Variants in MAP2K5 observed in about 807,000 individuals in gnomAD.
MAP2K5 encodes the protein dual specificity mitogen-activated protein kinase kinase 5.
A neutral mutation model predicts 83.1 loss-of-function variants in MAP2K5; 49 were observed. That is an observed-to-expected ratio of 0.59 (90% CI 0.47 to 0.75). MAP2K5 has a LOEUF of 0.75. Among genes scored for constraint, MAP2K5 ranks in the 30% least tolerant of loss-of-function variants. MAP2K5 has a pLI of 0.00. For synonymous variants in MAP2K5, 202 were observed against 191.8 expected, an observed-to-expected ratio of 1.05 and a Z score of -0.44; for missense variants, 457 against 557.5, an observed-to-expected ratio of 0.82 and a Z score of 1.82.
intron 1 of MAP2K5, 53 bp from the exon 2 acceptor site, chr15:67,549,981 G>A: frequency 7.4e-7 from 1 of 1,350,476 alleles, no homozygotes; most frequent in African/African-American, 1.4e-5. Flanking sequence ...TTTGCCACAT[G>A]TTAGCAATAA....
At chr15:67,756,636 G>T (rs8042507) in intron 19 of MAP2K5, among the ~76,000 whole-genome samples, 111,953 of 149,206 alleles carry the variant, frequency 0.75, 42,375 homozygotes, top group Middle Eastern at 0.82. Context: ...TACTCACCAT[G>T]CTATATTTAT....
intron 17 of MAP2K5, among the ~76,000 whole-genome samples, chr15:67,734,224 G>A (rs1029840251): frequency 6.6e-6 from 1 of 152,134 alleles, no homozygotes; most frequent in Non-Finnish European, 1.5e-5. Context: ...TCTGATCCTT[G>A]TATTAACATG....
Position 67,698,047 on chromosome 15 carries a change from A to G in MAP2K5, c.972+4479A>G, listed in dbSNP as rs2088311082. On this transcript the variant is annotated intron_variant, in intron 15 of 21. Transcript: ENST00000178640. The surrounding 1 kb of genome is among the most constrained non-coding windows in gnomAD (Gnocchi z 4.5). ...CAAGGAAATACTGTTTTTTAGGGGC[A>G]GATAATTAATAGGTTCAATAGATAC... is the stretch of plus-strand genomic sequence containing the variant. 6.6e-6 allele frequency among the ~76,000 whole-genome samples: 1 copy of G among 152,198 alleles called. No homozygotes were observed. The highest frequency in any genetic ancestry group is 1.5e-5 in the Non-Finnish European group (1 of 68,032).
chr15:67,596,355 G>C (rs556279138), intron 7 of MAP2K5, among the ~76,000 whole-genome samples: 1 of 151,990 alleles, frequency 6.6e-6, no homozygotes, highest in Non-Finnish European at 1.5e-5. Flanking sequence ...CAGAGGTTGC[G>C]GTGAGCCAAG....
At chr15:67,595,786 G>T (rs181074543) in intron 7 of MAP2K5, among the ~76,000 whole-genome samples, 1 of 152,220 alleles carries the variant, frequency 6.6e-6, no homozygotes, top group Non-Finnish European at 1.5e-5. Context: ...CTATAAATCA[G>T]TCTCACTGAT....
chr15:67,741,867 C>G (rs890837578), intron 17 of MAP2K5, among the ~76,000 whole-genome samples: 2 of 151,962 alleles, frequency 1.3e-5, no homozygotes, highest in African/African-American at 4.8e-5. Context: ...TACAGAAAGA[C>G]ATACTTCTTG....
At position 67,665,975 on chromosome 15, in the gene MAP2K5, G is replaced by GT. The variant is rs1384954912; in HGVS notation, c.847+1331dup. Among the ~76,000 whole-genome samples the GT allele has an allele frequency of 5.3e-5, 8 of 152,258 alleles. No homozygotes were observed. In the South Asian group the frequency reaches 1.4e-3, roughly 28 times the overall value. ...CGCACACCCAGCTACCGGTAAAGTG[G>GT]TGATAGCCATTTTAATAAGAATTAA... On this transcript the variant is annotated intron_variant, in intron 13 of 21. Coordinates refer to ENST00000178640, the MANE Select transcript of MAP2K5 (RefSeq NM_145160.3). The surrounding 1 kb of genome is among the most constrained non-coding windows in gnomAD (Gnocchi z 4.2).
intron 11 of MAP2K5, among the ~76,000 whole-genome samples, chr15:67,649,525 G>A (rs1359323982): frequency 6.6e-6 from 1 of 151,944 alleles, no homozygotes; most frequent in Non-Finnish European, 1.5e-5. Context: ...TGAGATAGGG[G>A]TCCAAATTTA....
intron 21 of MAP2K5, among the ~76,000 whole-genome samples, chr15:67,797,114 G>C (rs1032292599): frequency 2.0e-5 from 3 of 152,180 alleles, no homozygotes; most frequent in Non-Finnish European, 4.4e-5. Flanking sequence ...AGTCCTTACC[G>C]CAGCCCCTTT....
At position 67,768,271 on chromosome 15, in the gene MAP2K5, A is replaced by G. The variant is rs900251067; in HGVS notation, c.1135-1331A>G. On this transcript the variant is annotated intron_variant, in intron 19 of 21. Transcript: ENST00000178640. This position sits in a 1 kb window ranked among gnomAD's most constrained non-coding sequence, Gnocchi z 4.0. ...TTATATGTATATTTACTAATCACAT[A>G]GGAGGCTGTGCAATTGTATCTATCT... is the stretch of plus-strand genomic sequence containing the variant. 3.3e-5 allele frequency among the ~76,000 whole-genome samples: 5 copies of G among 152,228 alleles called. No individual in the cohort carries two copies. Among genetic ancestry groups the G allele is most frequent in the Non-Finnish European group, 5.9e-5 (4 of 68,028 alleles).
chr15:67,740,273 T>A (rs1462049075), intron 17 of MAP2K5, among the ~76,000 whole-genome samples: 1 of 152,206 alleles, frequency 6.6e-6, no homozygotes, highest in Non-Finnish European at 1.5e-5. Flanking sequence ...AGTAATTATG[T>A]AGCCCAAGTT....
intron 8 of MAP2K5, among the ~76,000 whole-genome samples, chr15:67,617,496 T>G (rs1325427127): frequency 6.6e-6 from 1 of 152,198 alleles, no homozygotes; most frequent in Non-Finnish European, 1.5e-5. Context: ...ATGATTCATA[T>G]TTTTTGGTTC....
intron 1 of MAP2K5, among the ~76,000 whole-genome samples, chr15:67,548,050 G>C (rs901182508): frequency 1.1e-4 from 17 of 152,160 alleles, no homozygotes; most frequent in African/African-American, 3.9e-4. Context: ...TATCAGGTGA[G>C]GAGCATGTGC....
intron 8 of MAP2K5, among the ~76,000 whole-genome samples, chr15:67,630,217 G>A (rs2086437755): frequency 6.6e-6 from 1 of 152,198 alleles, no homozygotes. Flanking sequence ...CTAGGTGTCA[G>A]AGAGAGCCCC....
chr15:67,575,013 C>A (rs909258838), intron 3 of MAP2K5, among the ~76,000 whole-genome samples: 6 of 152,084 alleles, frequency 3.9e-5, no homozygotes, highest in African/African-American at 1.4e-4. Context: ...AGACCATAAA[C>A]CCAGGCAGCA....
At position 67,668,835 on chromosome 15, in the gene MAP2K5, A is replaced by G. The variant is rs1205273713; in HGVS notation, c.847+4190A>G. Among the ~76,000 whole-genome samples the G allele has an allele frequency of 1.3e-5, 2 of 152,042 alleles. No individual in the cohort carries two copies. Among genetic ancestry groups the G allele is most frequent in the African/African-American group, 4.8e-5 (2 of 41,438 alleles). On this transcript the variant is annotated intron_variant, in intron 13 of 21. Coordinates refer to ENST00000178640, the MANE Select transcript of MAP2K5 (RefSeq NM_145160.3). This position sits in a 1 kb window ranked among gnomAD's most constrained non-coding sequence, Gnocchi z 4.0. The stretch of plus-strand genomic sequence containing the variant: ...AGTTTATAGAAGAAAAAAAAAACCT[A>G]TATAGTTGGTGTGCCAGGAGTTTTT...
intron 17 of MAP2K5, among the ~76,000 whole-genome samples, chr15:67,739,309 C>A: frequency 6.8e-6 from 1 of 147,608 alleles, no homozygotes; most frequent in Non-Finnish European, 1.5e-5. Flanking sequence ...TAAAGTAAGT[C>A]AAACTTTATC....
In MAP2K5 at chr15:67,755,803, T is replaced by C. The variant is rs2141282701; in HGVS notation, c.1134+7202T>C. Among the ~76,000 whole-genome samples the C allele has an allele frequency of 6.6e-6, 1 of 152,324 alleles. No homozygotes were observed. Among genetic ancestry groups the C allele is most frequent in the South Asian group, 2.1e-4 (1 of 4,824 alleles). On this transcript the variant is annotated intron_variant, in intron 19 of 21. Transcript: ENST00000178640. This position sits in a 1 kb window ranked among gnomAD's most constrained non-coding sequence, Gnocchi z 4.7. ...TTTTATAAGTGGGATTTTGTAATGA[T>C]GAGCTGTTGAATTCAGGGCTTTTTG...
In MAP2K5 at chr15:67,553,351, C is replaced by T. The variant is rs190344651; in HGVS notation, c.184+3269C>T. On this transcript the variant is annotated intron_variant, in intron 2 of 21. Transcript: ENST00000178640. The stretch of plus-strand genomic sequence containing the variant: ...ATAAACCTCTACTACTCCAGGTTTA[C>T]GTTCTGTGATATCATGCTCTTTCTT... 6.3e-3 allele frequency among the ~76,000 whole-genome samples: 955 copies of T among 152,312 alleles called. 12 individuals are homozygous for T. Among genetic ancestry groups the T allele is most frequent in the African/African-American group, 0.022 (901 of 41,564 alleles).
Sources: gnomAD v4.1 joint callset for allele counts (sites outside exome capture counted in the v4.1 genomes callset) on GRCh38, gnomAD v4.1.1 for gene constraint, Gnocchi (gnomAD v3.1) non-coding constraint, MANE v1.5 for transcripts, NCBI Gene and HGNC (gene_info 2026-07-23, HGNC 2026-07-21) for gene names.